PTPRJ: variants seen among roughly 807,000 people sequenced by gnomAD.
The protein encoded by PTPRJ is receptor-type tyrosine-protein phosphatase eta.
A neutral mutation model predicts 141.3 loss-of-function variants in PTPRJ; 129 were observed. That is an observed-to-expected ratio of 0.91 (90% CI 0.79 to 1.06). PTPRJ has a LOEUF of 1.06. Ranked by LOEUF, PTPRJ falls within the 50% of genes least tolerant of loss-of-function variation. The pLI, the probability that PTPRJ is intolerant of heterozygous loss-of-function variation, is 0.00. For missense variants in PTPRJ, 1,601 were observed against 1,679.7 expected, an observed-to-expected ratio of 0.95 and a Z score of 0.82; for synonymous variants, 610 against 640.5, an observed-to-expected ratio of 0.95 and a Z score of 0.72.
intron 1 of PTPRJ, among the ~76,000 whole-genome samples, chr11:48,082,916 C>T (rs768915821): frequency 9.9e-5 from 15 of 152,104 alleles, no homozygotes; most frequent in Non-Finnish European, 1.8e-4. Context: ...TGTGAATGTG[C>T]TGTATGGGTG....
chr11:48,099,670 A>G (rs750733710), intron 1 of PTPRJ, among the ~76,000 whole-genome samples: 2 of 152,048 alleles, frequency 1.3e-5, no homozygotes, highest in Non-Finnish European at 2.9e-5. Flanking sequence ...TTTCCATTGC[A>G]TGGATGTCAA....
At chr11:48,131,152 A>G (rs1327304726) in intron 8 of PTPRJ, among the ~76,000 whole-genome samples, 1 of 132,660 alleles carries the variant, frequency 7.5e-6, no homozygotes, top group Non-Finnish European at 1.5e-5. Context: ...ATCTTGGCTC[A>G]CTGCAACCTC....
In PTPRJ at chr11:48,130,293, ACAG is replaced by A. The variant is rs1856941063; in HGVS notation, c.1358-162_1358-160del. On this transcript the variant is annotated intron_variant, in intron 7 of 24. Coordinates refer to ENST00000418331, the MANE Select transcript of PTPRJ (RefSeq NM_002843.4). ...TCAAGTGCTCTCTCCATGGCCAGAA[ACAG>A]CAGTTTCTGAGGGGCTCATGTTGTA... 2.0e-5 allele frequency among the ~76,000 whole-genome samples: 3 copies of A among 152,120 alleles called. No individual in the cohort carries two copies. The South Asian group carries it at 6.2e-4, about 32-fold the overall frequency.
intron 1 of PTPRJ, among the ~76,000 whole-genome samples, chr11:48,035,108 C>T (rs190070341): frequency 6.6e-6 from 1 of 152,326 alleles, no homozygotes; most frequent in African/African-American, 2.4e-5. Flanking sequence ...TGGTGATTCA[C>T]GGCACCTGGC....
Position 48,165,215 on chromosome 11 carries a change from C to CA in PTPRJ, c.3855+703dup, listed in dbSNP as rs199628996. Among the ~76,000 whole-genome samples, 678 of 152,326 alleles carry CA rather than the reference C, an allele frequency of 4.5e-3. 5 individuals are homozygous for CA. The highest frequency in any genetic ancestry group is 0.016 in the African/African-American group (651 of 41,570). On this transcript the variant is annotated intron_variant, in intron 24 of 24. Transcript: ENST00000418331. ...CCATCTTTAAAATAAGCTAATGAAACAAACTCATCAAACATTAATGATGTG... is the reference window on the plus strand; with the variant it reads ...CCATCTTTAAAATAAGCTAATGAAACAAAACTCATCAAACATTAATGATGTG...
intron 1 of PTPRJ, among the ~76,000 whole-genome samples, chr11:48,006,592 G>A (rs1399065720): frequency 6.6e-6 from 1 of 152,140 alleles, no homozygotes; most frequent in Non-Finnish European, 1.5e-5. Context: ...GTCTGGTACT[G>A]ACTCACACAG....
chr11:48,158,305 A>G lies in PTPRJ; in HGVS notation c.3439-1625A>G, dbSNP rs2134383656. On this transcript the variant is annotated intron_variant, in intron 21 of 24. Transcript: ENST00000418331. This position sits in a 1 kb window ranked among gnomAD's most constrained non-coding sequence, Gnocchi z 4.4. ...ATGGAGAACATGAAGATGAATTTAA[A>G]TGGTCTTTTGTTCATCTAAAATCAA... Among the ~76,000 whole-genome samples the G allele has an allele frequency of 6.6e-6, 1 of 152,378 alleles. No individual in the cohort carries two copies. Among genetic ancestry groups the G allele is most frequent in the African/African-American group, 2.4e-5 (1 of 41,600 alleles).
intron 1 of PTPRJ, among the ~76,000 whole-genome samples, chr11:48,075,377 G>C (rs540687258): frequency 4.8e-4 from 72 of 151,512 alleles, no homozygotes; most frequent in African/African-American, 1.7e-3. Flanking sequence ...CCCCTGCCTC[G>C]GCCTCCCAAA....
chr11:48,102,361 A>G (rs1223284959), intron 1 of PTPRJ, among the ~76,000 whole-genome samples: 1 of 152,188 alleles, frequency 6.6e-6, no homozygotes, highest in East Asian at 1.9e-4. Context: ...TGAGAAAGCC[A>G]GATGTATTTC....
At chr11:48,124,466 T>C (rs1203338754) in intron 5 of PTPRJ, among the ~76,000 whole-genome samples, 1 of 152,198 alleles carries the variant, frequency 6.6e-6, no homozygotes, top group Non-Finnish European at 1.5e-5. Context: ...CATCCCTCCC[T>C]CTTGCTTCTT....
At chr11:48,146,992 T>C in intron 15 of PTPRJ, 29 bp downstream of exon 15, 2 of 1,578,030 alleles carry the variant, frequency 1.3e-6, no homozygotes, top group Non-Finnish European at 1.7e-6. Flanking sequence ...ATAATAATAC[T>C]CTGGTATTTA....
chr11:48,025,133 A>G (rs1853772778), intron 1 of PTPRJ, among the ~76,000 whole-genome samples: 1 of 152,064 alleles, frequency 6.6e-6, no homozygotes, highest in South Asian at 2.1e-4. Context: ...CCTGGAATCT[A>G]GGGGGGGCAT....
chr11:48,077,744 C>T (rs1028792178), intron 1 of PTPRJ, among the ~76,000 whole-genome samples: 2 of 152,200 alleles, frequency 1.3e-5, no homozygotes, highest in Non-Finnish European at 2.9e-5. Flanking sequence ...TCATGAATCC[C>T]TATTCAACCT....
chr11:48,035,043 C>T (rs11607186), intron 1 of PTPRJ, among the ~76,000 whole-genome samples: 1 of 152,228 alleles, frequency 6.6e-6, no homozygotes, highest in Non-Finnish European at 1.5e-5. Flanking sequence ...CTTCCGAATC[C>T]TGCTATTTCC....
chr11:48,149,696 T>C lies in PTPRJ; in HGVS notation c.3041+208T>C, dbSNP rs899084486. 2.0e-5 allele frequency: 11 copies of C among 536,632 alleles called. No individual in the cohort carries two copies. The Admixed American group carries it at 4.3e-4, about 21-fold the overall frequency. 33.2% of individuals were successfully genotyped at this position (536,632 alleles called of 1,614,324 possible). A position where few individuals can be genotyped will look rare whatever the true frequency, so the allele number is the denominator to read the frequency against. On this transcript the variant is annotated intron_variant, in intron 16 of 24. Transcript: ENST00000418331. ...AGCTGGCTTCCTTGTCATGTTCTAC[T>C]CTTCTACCAATAAATACGGATTTCT...
At position 48,040,609 on chromosome 11, in the gene PTPRJ, C is replaced by CTTTTTTT. The variant is rs371103069; in HGVS notation, c.96+59603_96+59604insTTTTTTT. 2.8e-4 allele frequency among the ~76,000 whole-genome samples: 41 copies of CTTTTTTT among 146,084 alleles called. 1 individual carries two copies. Among genetic ancestry groups the CTTTTTTT allele is most frequent in the African/African-American group, 1.0e-3 (38 of 36,914 alleles). On this transcript the variant is annotated intron_variant, in intron 1 of 24. Transcript: ENST00000418331. Reference sequence around the variant, plus strand: ...TCTTACTTTCTTTCTTCTTCTTCTTCTTCTTTTTTTTTTTTTTTTGAGACG... The same window carrying CTTTTTTT: ...TCTTACTTTCTTTCTTCTTCTTCTTCTTTTTTTTTCTTTTTTTTTTTTTTTTGAGACG...
intron 1 of PTPRJ, among the ~76,000 whole-genome samples, chr11:48,059,588 A>G (rs1854863537): frequency 6.6e-6 from 1 of 152,200 alleles, no homozygotes; most frequent in Non-Finnish European, 1.5e-5. Context: ...CCTGTAACAA[A>G]TACTGAAGGT....
chr11:48,163,853 T>C (rs1264123760), intron 23 of PTPRJ, among the ~76,000 whole-genome samples: 2 of 152,216 alleles, frequency 1.3e-5, no homozygotes, highest in Admixed American at 6.5e-5. Flanking sequence ...TAACATTTTC[T>C]AGGAACACAG....
chr11:48,144,852 A>ACAATG lies in PTPRJ; in HGVS notation c.2754_2758dup (p.Gly920AlafsTer71). 1 of 1,614,204 alleles carries ACAATG rather than the reference A, an allele frequency of 6.2e-7. No homozygotes were observed. Among genetic ancestry groups the ACAATG allele is most frequent in the Non-Finnish European group, 8.5e-7 (1 of 1,180,028 alleles). ...AATGAGTCAACCACACTTGGTTATT[A>ACAATG]CAATGGGAAGCTGGAACCTCTGGGC... On this transcript the variant is annotated frameshift_variant, in exon 13 of 25. Transcript: ENST00000418331. LOFTEE classifies it high-confidence loss of function.
Sources: allele counts gnomAD v4.1 joint callset (sites outside exome capture counted in the v4.1 genomes callset), GRCh38; gene constraint gnomAD v4.1.1; non-coding constraint Gnocchi (gnomAD v3.1); transcripts MANE v1.5; gene names NCBI Gene and HGNC (gene_info 2026-07-23, HGNC 2026-07-21).